Variants in SUPT3H observed in about 807,000 individuals in gnomAD.
SUPT3H encodes SPT3 homolog, SAGA and STAGA complex component.
A neutral mutation model predicts 44.3 loss-of-function variants in SUPT3H; 44 were observed. That is an observed-to-expected ratio of 0.99 (90% confidence interval 0.78 to 1.28). The LOEUF (loss-of-function observed/expected upper bound fraction) is 1.28, where lower values mean the gene tolerates loss of function less well. SUPT3H is among the 50% of genes most tolerant of loss of function. The pLI is 0.00. For missense variants in SUPT3H, 380 were observed against 387.1 expected, an observed-to-expected ratio of 0.98 and a Z score of 0.15; for synonymous variants, 124 against 125.6, an observed-to-expected ratio of 0.99 and a Z score of 0.09.
At position 44,887,996 on chromosome 6, in the gene SUPT3H, C is replaced by T. The variant is rs557273271; in HGVS notation, c.912+44657G>A. Among the ~76,000 whole-genome samples, 662 of 152,106 alleles carry T rather than the reference C, an allele frequency of 4.4e-3. 9 individuals are homozygous for T. Among genetic ancestry groups the T allele is most frequent in the African/African-American group, 0.015 (608 of 41,416 alleles). ...TCAGAGAATACTACAAACACCTCTA[C>T]ACAAATAAACTAGAAAATCTAGAAT... On this transcript the variant is annotated intron_variant, in intron 10 of 10. Coordinates refer to ENST00000371459, the MANE Select transcript of SUPT3H (RefSeq NM_003599.4).
In SUPT3H at chr6:45,014,821, T is replaced by G. The variant is rs756994098; in HGVS notation, c.344A>C (p.Asp115Ala). Residue 115 changes from aspartate (D) to alanine (A), a missense_variant, in exon 5 of 11, where the codon GAT becomes GCT. Physicochemically the swap from Asp to Ala is moderately radical, Grantham distance 126. Coordinates refer to ENST00000371459, the MANE Select transcript of SUPT3H (RefSeq NM_003599.4). ...DYKSKIVKGIDEDDLLEDKLS... is the reference protein window; with the variant it reads ...DYKSKIVKGIAEDDLLEDKLS... ...GTTACCTTCGAGAAGATCATCCTCA[T>G]CGATGCCTTTGACAATCTTTGATTT... The G allele has an allele frequency of 6.3e-7, 1 of 1,592,912 alleles. No homozygotes were observed. The highest frequency in any genetic ancestry group is 8.5e-7 in the Non-Finnish European group (1 of 1,170,994).
chr6:45,110,704 C>T (rs538921229), intron 2 of SUPT3H, among the ~76,000 whole-genome samples: 1 of 152,246 alleles, frequency 6.6e-6, no homozygotes, highest in South Asian at 2.1e-4. Context: ...TTTAATCTCT[C>T]TATAAATTCT....
intron 2 of SUPT3H, among the ~76,000 whole-genome samples, chr6:45,122,287 A>G (rs1801793456): frequency 6.6e-6 from 1 of 152,148 alleles, no homozygotes; most frequent in South Asian, 2.1e-4. Flanking sequence ...ACATGTTATA[A>G]GAATAATCCA....
intron 2 of SUPT3H, among the ~76,000 whole-genome samples, chr6:45,359,459 A>G (rs912700220): frequency 6.6e-6 from 1 of 152,188 alleles, no homozygotes; most frequent in Non-Finnish European, 1.5e-5. Flanking sequence ...CATTTCACAA[A>G]AAGTAAATGG....
At chr6:45,289,704 C>T (rs974840579) in intron 2 of SUPT3H, among the ~76,000 whole-genome samples, 7 of 151,996 alleles carry the variant, frequency 4.6e-5, no homozygotes, top group Non-Finnish European at 8.8e-5. Flanking sequence ...TAAGTAAACA[C>T]GAGAAAACAT....
intron 3 of SUPT3H, among the ~76,000 whole-genome samples, 172 bp from the exon 4 acceptor site, chr6:45,020,804 A>T (rs941623753): frequency 2.6e-5 from 4 of 152,012 alleles, no homozygotes; most frequent in African/African-American, 7.2e-5. Context: ...TAAGATATAA[A>T]ACATGCAATT....
chr6:45,306,901 A>C (rs1783115535), intron 2 of SUPT3H, among the ~76,000 whole-genome samples: 2 of 152,196 alleles, frequency 1.3e-5, no homozygotes, highest in Non-Finnish European at 2.9e-5. Flanking sequence ...CAAAGCTGGA[A>C]AATCAGGTCA....
Position 44,849,313 on chromosome 6 carries a change from G to A in SUPT3H, c.913-19456C>T, listed in dbSNP as rs369901878. 4.4e-5 allele frequency among the ~76,000 whole-genome samples: 6 copies of A among 135,624 alleles called. No homozygotes were observed. The South Asian group carries it at 7.2e-4, about 16-fold the overall frequency. The allele number at this position is 135,624 out of a possible 152,430, so 89.0% of individuals were successfully genotyped here. On this transcript the variant is annotated intron_variant, in intron 10 of 10. Coordinates refer to ENST00000371459, the MANE Select transcript of SUPT3H (RefSeq NM_003599.4). ...GGGATCTCGGCTCACTGCAAGCTCCGCCTCCCGGGTTCACGCCATTCTCCT... is the reference window on the plus strand; with the variant it reads ...GGGATCTCGGCTCACTGCAAGCTCCACCTCCCGGGTTCACGCCATTCTCCT...
At chr6:44,844,774 C>T (rs641340) in intron 10 of SUPT3H, among the ~76,000 whole-genome samples, 7,187 of 152,170 alleles carry the variant, frequency 0.047, 243 homozygotes, top group South Asian at 0.13. Context: ...GATGTCAGGA[C>T]ATCTTTTTTG....
intron 6 of SUPT3H, among the ~76,000 whole-genome samples, chr6:44,992,266 T>C (rs1780708441): frequency 6.6e-6 from 1 of 152,150 alleles, no homozygotes; most frequent in Admixed American, 6.5e-5. Context: ...ACAGAAAATA[T>C]TGAGTGATTC....
chr6:44,919,947 C>G (rs905352062), intron 10 of SUPT3H, among the ~76,000 whole-genome samples: 1 of 152,024 alleles, frequency 6.6e-6, no homozygotes, highest in African/African-American at 2.4e-5. Flanking sequence ...GGCGTGATCT[C>G]AGCTCACCAC....
chr6:44,976,158 C>T (rs575266612), intron 6 of SUPT3H, among the ~76,000 whole-genome samples: 1 of 152,006 alleles, frequency 6.6e-6, no homozygotes, highest in East Asian at 1.9e-4. Flanking sequence ...TAACATAAAA[C>T]AAAAGGAAGA....
At chr6:44,869,726 A>T (rs1354604955) in intron 10 of SUPT3H, among the ~76,000 whole-genome samples, 1 of 152,228 alleles carries the variant, frequency 6.6e-6, no homozygotes, top group Admixed American at 6.5e-5. Flanking sequence ...CGGAAGATAT[A>T]GCATAATTAT....
intron 3 of SUPT3H, among the ~76,000 whole-genome samples, chr6:45,093,346 T>A (rs1163888014): frequency 6.6e-6 from 1 of 152,118 alleles, no homozygotes; most frequent in Admixed American, 6.5e-5. Flanking sequence ...AATAAAATAA[T>A]ATAAGCAAAC....
chr6:45,301,685 T>C (rs901410206), intron 2 of SUPT3H, among the ~76,000 whole-genome samples: 1 of 152,196 alleles, frequency 6.6e-6, no homozygotes, highest in Admixed American at 6.5e-5. Context: ...ACTCTTAACA[T>C]TGTCAAATAC....
intron 5 of SUPT3H, among the ~76,000 whole-genome samples, chr6:45,005,478 G>A (rs947486150): frequency 6.6e-6 from 1 of 151,966 alleles, no homozygotes; most frequent in South Asian, 2.1e-4. Context: ...GGTGGCTCAC[G>A]CCTGTAATCC....
At chr6:44,945,981 T>C (rs1032874410) in intron 9 of SUPT3H, among the ~76,000 whole-genome samples, 4 of 152,312 alleles carry the variant, frequency 2.6e-5, no homozygotes, top group Admixed American at 2.0e-4. Context: ...CTCATGCAGC[T>C]GGTGATTTTA....
At chr6:44,922,560 C>T (rs1284349065) in intron 10 of SUPT3H, among the ~76,000 whole-genome samples, 1 of 152,092 alleles carries the variant, frequency 6.6e-6, no homozygotes, top group Non-Finnish European at 1.5e-5. Flanking sequence ...ATCAATAAAA[C>T]AGTATACAAA....
At chr6:45,142,829 A>C (rs1805463116) in intron 2 of SUPT3H, among the ~76,000 whole-genome samples, 1 of 151,446 alleles carries the variant, frequency 6.6e-6, no homozygotes, top group Admixed American at 6.6e-5. Context: ...AGACTCACTA[A>C]CACATAAGGA....
Sources: gnomAD v4.1 joint callset for allele counts (sites outside exome capture counted in the v4.1 genomes callset) on GRCh38, gnomAD v4.1.1 for gene constraint, MANE v1.5 for transcripts, NCBI Gene and HGNC (gene_info 2026-07-23, HGNC 2026-07-21) for gene names.